LRRC52: variants seen among roughly 807,000 people sequenced by gnomAD.
LRRC52 encodes leucine-rich repeat-containing protein 52.
LRRC52 carries 15 observed loss-of-function variants against 14.7 expected under a neutral mutation model. The observed-to-expected ratio is 1.02, with a 90% CI of 0.68 to 1.58. LRRC52 has a LOEUF of 1.58. Among genes scored for constraint, LRRC52 ranks in the 40% most tolerant of loss-of-function variants. The pLI is 0.00. For synonymous variants in LRRC52, 180 were observed against 163.9 expected, an observed-to-expected ratio of 1.10 and a Z score of -0.75; for missense variants, 400 against 387.7, an observed-to-expected ratio of 1.03 and a Z score of -0.27.
intron 1 of LRRC52, among the ~76,000 whole-genome samples, chr1:165,554,982 T>C (rs1303384659): frequency 1.3e-5 from 2 of 152,198 alleles, no homozygotes; most frequent in Admixed American, 1.3e-4. Flanking sequence ...GAGCCCAGAC[T>C]GGGATCTGAG....
At chr1:165,545,675 C>T (rs1473379257) in intron 1 of LRRC52, among the ~76,000 whole-genome samples, 1 of 152,092 alleles carries the variant, frequency 6.6e-6, no homozygotes, top group Non-Finnish European at 1.5e-5. Flanking sequence ...ACCACTCTAC[C>T]CGCTGTCCTC....
At chr1:165,560,535 G>A (rs965505944) in intron 1 of LRRC52, among the ~76,000 whole-genome samples, 5 of 152,180 alleles carry the variant, frequency 3.3e-5, no homozygotes, top group African/African-American at 1.2e-4. Flanking sequence ...GATAGAATGT[G>A]ATAGGTACTT....
chr1:165,544,226 C>CCCCCCCCCCCCG lies in LRRC52; in HGVS notation c.-71_-70insCCCCCCCCCCCG. The CCCCCCCCCCCCG allele has an allele frequency of 5.4e-6, 3 of 560,352 alleles. No homozygotes were observed. Among genetic ancestry groups the CCCCCCCCCCCCG allele is most frequent in the African/African-American group, 1.9e-5 (1 of 52,234 alleles). The allele number at this position is 560,352 out of a possible 1,614,324, so 34.7% of individuals were successfully genotyped here. On this transcript the variant is annotated 5_prime_UTR_variant, in exon 1 of 2. Transcript: ENST00000294818. ...GAGCCCCTCCCCCGCCCCACCCCCC[C>CCCCCCCCCCCCG]ACCGGCAGCCTTCGGATCAGAGGAC...
At chr1:165,558,120 A>G (rs1661275392) in intron 1 of LRRC52, among the ~76,000 whole-genome samples, 6 of 152,240 alleles carry the variant, frequency 3.9e-5, no homozygotes, top group Admixed American at 3.9e-4. Context: ...CAGGACCCAG[A>G]CACCGTAGTT....
At chr1:165,560,850 G>A (rs767769804) in intron 1 of LRRC52, among the ~76,000 whole-genome samples, 1 of 152,044 alleles carries the variant, frequency 6.6e-6, no homozygotes, top group Non-Finnish European at 1.5e-5. Flanking sequence ...GGGAAGGGGA[G>A]AAGGGTAGCT....
intron 1 of LRRC52, among the ~76,000 whole-genome samples, chr1:165,556,028 C>T (rs1661226700): frequency 6.6e-6 from 1 of 152,262 alleles, no homozygotes; most frequent in Non-Finnish European, 1.5e-5. Flanking sequence ...CCTCACCCCA[C>T]CAAAAGGTGG....
At position 165,544,208 on chromosome 1, in the gene LRRC52, T is replaced by TCCCC; in HGVS notation, c.-87_-84dup. On this transcript the variant is annotated 5_prime_UTR_variant, in exon 1 of 2. Coordinates refer to ENST00000294818, the MANE Select transcript of LRRC52 (RefSeq NM_001005214.4). ...GTGTTACAGTTCTTTCCAGAGCCCC[T>TCCCC]CCCCCGCCCCACCCCCCCACCGGCA... 12 of 448,094 alleles carry TCCCC rather than the reference T, an allele frequency of 2.7e-5. No homozygotes were observed. Among genetic ancestry groups the TCCCC allele is most frequent in the African/African-American group, 1.9e-4 (8 of 42,608 alleles). The allele number at this position is 448,094 out of a possible 1,614,324, so 27.8% of individuals were successfully genotyped here. A position where few individuals can be genotyped will look rare whatever the true frequency, so the allele number is the denominator to read the frequency against.
intron 1 of LRRC52, among the ~76,000 whole-genome samples, chr1:165,552,839 T>C (rs555310594): frequency 2.0e-5 from 3 of 152,212 alleles, no homozygotes; most frequent in South Asian, 2.1e-4. Flanking sequence ...AGTGAATGAA[T>C]GAGATACAGA....
In LRRC52 at chr1:165,553,930, C is replaced by T. The variant is rs143712019; in HGVS notation, c.622+9012C>T. Among the ~76,000 whole-genome samples the T allele has an allele frequency of 3.9e-5, 6 of 152,214 alleles. No homozygotes were observed. In the East Asian group the frequency reaches 5.8e-4, roughly 15 times the overall value. ...CTTCCATAACACCAATCCAATTAGG[C>T]GACTATAAAATATCCATTGTCCTTG... On this transcript the variant is annotated intron_variant, in intron 1 of 1. Transcript: ENST00000294818.
chr1:165,546,177 CAGGGCTT>C (rs1661016685), intron 1 of LRRC52, among the ~76,000 whole-genome samples: 1 of 151,942 alleles, frequency 6.6e-6, no homozygotes, highest in South Asian at 2.1e-4. Context: ...ATGAGGCAAG[CAGGGCTT>C]TTAGGAGGCA....
chr1:165,553,737 C>A (rs1444068872), intron 1 of LRRC52, among the ~76,000 whole-genome samples: 2 of 152,030 alleles, frequency 1.3e-5, no homozygotes, highest in Non-Finnish European at 2.9e-5. Context: ...TCTGGGACTG[C>A]AGAGAAGGAG....
At chr1:165,549,387 T>C (rs1013933248) in intron 1 of LRRC52, among the ~76,000 whole-genome samples, 1 of 152,236 alleles carries the variant, frequency 6.6e-6, no homozygotes. Context: ...ATGGTATAAC[T>C]GAGCAATAAA....
chr1:165,545,826 T>C (rs540558861), intron 1 of LRRC52, among the ~76,000 whole-genome samples: 1 of 152,182 alleles, frequency 6.6e-6, no homozygotes, highest in Admixed American at 6.5e-5. Context: ...AAATGAGAAA[T>C]AACTCCTCAC....
chr1:165,548,661 TATAAG>T (rs1196401896), intron 1 of LRRC52, among the ~76,000 whole-genome samples: 2 of 152,214 alleles, frequency 1.3e-5, no homozygotes, highest in African/African-American at 2.4e-5. Context: ...ATCTGCAGGA[TATAAG>T]ATAAGTTACT....
Position 165,544,316 on chromosome 1 carries a change from C to G in LRRC52, c.20C>G (p.Pro7Arg). MSLASGPGPGWLLFSFG... is the reference protein window; with the variant it reads MSLASGRGPGWLLFSFG... ...CTTACTATGTCCCTTGCTTCAGGCC[C>G]TGGCCCTGGGTGGTTACTCTTTTCC... The change falls in exon 1 of 2, where the codon CCT (proline) becomes CGT (arginine). Residue 7 changes from proline to arginine, a missense_variant. By Grantham distance (103) the Pro-to-Arg change is moderately radical (BLOSUM62 -2). Transcript: ENST00000294818. 1 of 1,613,962 alleles carries G rather than the reference C, an allele frequency of 6.2e-7. No individual in the cohort carries two copies. Among genetic ancestry groups the G allele is most frequent in the Non-Finnish European group, 8.5e-7 (1 of 1,179,958 alleles).
chr1:165,544,672 A>C lies in LRRC52; in HGVS notation c.376A>C (p.Asn126His). The change falls in exon 1 of 2, where the codon AAC (asparagine) becomes CAC (histidine). Residue 126 changes from asparagine (N) to histidine (H), a missense_variant. Physicochemically the swap from Asn to His is moderately conservative, Grantham distance 68 (BLOSUM62 1). Transcript: ENST00000294818. ...ISPFTFSVLS[N>H]LVQLNIANNP... ...CCCATTCACTTTCTCGGTGCTCAGC[A>C]ACCTGGTGCAGCTGAACATTGCCAA... 1 of 1,614,074 alleles carries C rather than the reference A, an allele frequency of 6.2e-7. No individual in the cohort carries two copies. The highest frequency in any genetic ancestry group is 2.2e-5 in the East Asian group (1 of 44,874).
intron 1 of LRRC52, among the ~76,000 whole-genome samples, chr1:165,561,816 T>C (rs407380): frequency 0.061 from 9,273 of 152,308 alleles, 300 homozygotes; most frequent in Admixed American, 0.079. Context: ...TGTAGGTGCA[T>C]TGATACAGAA....
At chr1:165,563,058 G>C (rs77083172) in intron 1 of LRRC52, among the ~76,000 whole-genome samples, 1 of 152,092 alleles carries the variant, frequency 6.6e-6, no homozygotes, top group Non-Finnish European at 1.5e-5. Context: ...AGGGAAAGTC[G>C]GGATGGAGGC....
At chr1:165,551,996 G>T (rs868574512) in intron 1 of LRRC52, among the ~76,000 whole-genome samples, 1 of 132,710 alleles carries the variant, frequency 7.5e-6, no homozygotes, top group Non-Finnish European at 1.5e-5. Flanking sequence ...AAAAAAAAAA[G>T]GCTGGGCAAC....
Sources: allele counts gnomAD v4.1 joint callset (sites outside exome capture counted in the v4.1 genomes callset), GRCh38; gene constraint gnomAD v4.1.1; transcripts MANE v1.5; gene names NCBI Gene and HGNC (gene_info 2026-07-23, HGNC 2026-07-21).